The following STYK1 variants were observed in gnomAD, a reference collection of about 807,000 sequenced individuals.
STYK1 encodes the protein tyrosine-protein kinase STYK1.
Under a neutral mutation model 48.1 loss-of-function variants are expected in STYK1, and 46 were observed. The observed-to-expected ratio is 0.96, with a 90% CI of 0.75 to 1.22. The LOEUF (loss-of-function observed/expected upper bound fraction) is 1.22. Ranked by LOEUF, STYK1 falls within the 50% of genes most tolerant of loss-of-function variation. The pLI, the probability that STYK1 is intolerant of heterozygous loss-of-function variation, is 0.00. For missense variants in STYK1, 527 were observed against 521.1 expected (o/e 1.01, Z -0.11); for synonymous variants, 188 against 189.0 (o/e 0.99, Z 0.04).
At position 10,622,637 on chromosome 12, in the gene STYK1, C is replaced by A; in HGVS notation, c.967+1G>T. On this transcript the variant is annotated splice_donor_variant, in intron 9 of 10. Coordinates refer to ENST00000075503, the MANE Select transcript of STYK1 (RefSeq NM_018423.3). LOFTEE classifies it high-confidence loss of function. ...CACACTATTTTGGGGCTCATCCTTACCTAGAGTCACCATCTCATAGAGCAG... is the reference window on the plus strand; with the variant it reads ...CACACTATTTTGGGGCTCATCCTTAACTAGAGTCACCATCTCATAGAGCAG... 1 of 1,613,982 alleles carries A rather than the reference C, an allele frequency of 6.2e-7. No homozygotes were observed. Among genetic ancestry groups the A allele is most frequent in the Non-Finnish European group, 8.5e-7 (1 of 1,179,920 alleles).
intron 2 of STYK1, among the ~76,000 whole-genome samples, chr12:10,636,294 G>A (rs1263229736): frequency 5.9e-5 from 9 of 152,140 alleles, no homozygotes; most frequent in South Asian, 2.1e-4. Flanking sequence ...ATTCCCTTAC[G>A]ACTCAAGAGA....
In STYK1 at chr12:10,672,639, G is replaced by T. The variant is rs748687710; in HGVS notation, c.-195+1327C>A. Among the ~76,000 whole-genome samples, 5 of 152,116 alleles carry T rather than the reference G, an allele frequency of 3.3e-5. No homozygotes were observed. The highest frequency in any genetic ancestry group is 7.4e-5 in the Non-Finnish European group (5 of 68,018). On this transcript the variant is annotated intron_variant, in intron 1 of 10. Transcript: ENST00000075503. This position sits in a 1 kb window ranked among gnomAD's most constrained non-coding sequence, Gnocchi z 4.0. ...AGACTCTAATGCCTGATGACGTAAG[G>T]TGGAACAGTTTCATTCTGAAACCAT...
intron 4 of STYK1, among the ~76,000 whole-genome samples, chr12:10,631,894 A>T (rs1381607167): frequency 6.6e-6 from 1 of 152,150 alleles, no homozygotes; most frequent in African/African-American, 2.4e-5. Flanking sequence ...TTAAATCTAC[A>T]TTTATTCATT....
chr12:10,629,624 G>A lies in STYK1; in HGVS notation c.502C>T (p.His168Tyr). Residue 168 changes from histidine (H) to tyrosine (Y), a missense_variant, in exon 6 of 11, where the codon CAT (histidine) becomes TAT (tyrosine). His to Tyr is a moderately conservative substitution (Grantham distance 83). Transcript: ENST00000075503. Reference sequence around the variant, plus strand: ...TTTTTGTGTTTCCCCAGGTATTGATGGAATTGGATTCGCCCTAAGAAATCT... The same window carrying A: ...TTTTTGTGTTTCCCCAGGTATTGATAGAATTGGATTCGCCCTAAGAAATCT... Reference protein sequence around the residue: ...VQDFLGRIQFHQYLGKHKNLV... With the variant: ...VQDFLGRIQFYQYLGKHKNLV... 6.2e-7 allele frequency: 1 copy of A among 1,614,168 alleles called. No homozygotes were observed. Among genetic ancestry groups the A allele is most frequent in the Non-Finnish European group, 8.5e-7 (1 of 1,180,034 alleles).
At chr12:10,637,669 T>G (rs534374528) in intron 1 of STYK1, among the ~76,000 whole-genome samples, 9 of 152,304 alleles carry the variant, frequency 5.9e-5, no homozygotes, top group East Asian at 3.9e-4. Flanking sequence ...GCATACACAC[T>G]GGGCATACCC....
At chr12:10,650,180 C>CTAAAG (rs1947647583) in intron 1 of STYK1, among the ~76,000 whole-genome samples, 1 of 143,802 alleles carries the variant, frequency 7.0e-6, no homozygotes, top group Non-Finnish European at 1.5e-5. Context: ...TTGTTGCTTG[C>CTAAAG]TAAAGGCATT....
chr12:10,653,580 A>G (rs945049213), intron 1 of STYK1, among the ~76,000 whole-genome samples: 1 of 152,234 alleles, frequency 6.6e-6, no homozygotes, highest in Non-Finnish European at 1.5e-5. Context: ...TTTAAGCAAG[A>G]AATTTAATAC....
chr12:10,637,623 G>A (rs1215952669), intron 1 of STYK1, among the ~76,000 whole-genome samples: 2 of 152,118 alleles, frequency 1.3e-5, no homozygotes, highest in African/African-American at 2.4e-5. Flanking sequence ...TTACAGGCAT[G>A]AGCCACTGCG....
At chr12:10,649,840 C>T (rs910604733) in intron 1 of STYK1, among the ~76,000 whole-genome samples, 4 of 152,068 alleles carry the variant, frequency 2.6e-5, no homozygotes, top group East Asian at 1.9e-4. Context: ...AGGCCGGGAG[C>T]AGTGGTTCAC....
At chr12:10,623,741 AC>A (rs1947325773) in intron 8 of STYK1, among the ~76,000 whole-genome samples, 1 of 152,196 alleles carries the variant, frequency 6.6e-6, no homozygotes, top group Non-Finnish European at 1.5e-5. Flanking sequence ...CTGCAGTCAA[AC>A]AATTTCACAA....
At chr12:10,646,199 G>T (rs1004839068) in intron 1 of STYK1, among the ~76,000 whole-genome samples, 1 of 152,172 alleles carries the variant, frequency 6.6e-6, no homozygotes, top group Non-Finnish European at 1.5e-5. Context: ...CAGTTTGGAG[G>T]GCTCAGAAGA....
chr12:10,659,349 T>G (rs1291485565), intron 1 of STYK1, among the ~76,000 whole-genome samples: 1 of 152,220 alleles, frequency 6.6e-6, no homozygotes, highest in South Asian at 2.1e-4. Flanking sequence ...TTACGGAATA[T>G]AGTTATTTGC....
intron 1 of STYK1, among the ~76,000 whole-genome samples, chr12:10,645,526 G>A (rs1014698865): frequency 1.3e-5 from 2 of 152,022 alleles, no homozygotes; most frequent in Non-Finnish European, 2.9e-5. Flanking sequence ...GTTTTACAAA[G>A]CCTAAACACA....
chr12:10,667,769 G>A (rs890344923), intron 1 of STYK1, among the ~76,000 whole-genome samples: 2 of 152,148 alleles, frequency 1.3e-5, no homozygotes, highest in African/African-American at 2.4e-5. Flanking sequence ...GCTTGGATAC[G>A]ACTTAGACTG....
chr12:10,665,682 C>T (rs761545533), intron 1 of STYK1, among the ~76,000 whole-genome samples: 7 of 152,228 alleles, frequency 4.6e-5, no homozygotes, highest in African/African-American at 1.2e-4. Context: ...TAGCCTCTGC[C>T]AATCTCTACC....
intron 1 of STYK1, among the ~76,000 whole-genome samples, chr12:10,661,852 TA>T (rs35648354): frequency 0.56 from 84,643 of 151,570 alleles, 24,025 homozygotes; most frequent in East Asian, 0.77. Context: ...ACTTGTGTTT[TA>T]TAAATTGAGA....
intron 1 of STYK1, among the ~76,000 whole-genome samples, chr12:10,673,234 G>A (rs1225773587): frequency 6.6e-6 from 1 of 152,042 alleles, no homozygotes; most frequent in Non-Finnish European, 1.5e-5. Flanking sequence ...ATAAATAGCC[G>A]GCCGTGGTGG....
chr12:10,656,364 C>A (rs1947718344), intron 1 of STYK1, among the ~76,000 whole-genome samples: 1 of 152,134 alleles, frequency 6.6e-6, no homozygotes, highest in South Asian at 2.1e-4. Flanking sequence ...CGGTGGCTCA[C>A]ACCTGTAATC....
intron 1 of STYK1, among the ~76,000 whole-genome samples, chr12:10,659,578 C>T (rs965684175): frequency 1.6e-3 from 8 of 5,046 alleles, no homozygotes; most frequent in African/African-American, 1.7e-3. Flanking sequence ...CTGATGGGCC[C>T]AGGAGGCAAG....
Sources: allele counts gnomAD v4.1 joint callset (sites outside exome capture counted in the v4.1 genomes callset), GRCh38; gene constraint gnomAD v4.1.1; non-coding constraint Gnocchi (gnomAD v3.1); transcripts MANE v1.5; gene names NCBI Gene and HGNC (gene_info 2026-07-23, HGNC 2026-07-21).